The following CLCN7 variants were observed in gnomAD, a reference collection of about 807,000 sequenced individuals.
The protein encoded by CLCN7 is Cl-/H+ antiporter 7, also known as H(+)/Cl(-) exchange transporter 7.
CLCN7 carries 60 observed loss-of-function variants against 102.1 expected under a neutral mutation model. The ratio of observed to expected loss-of-function variants is 0.59; its 90% CI spans 0.48 to 0.73. CLCN7 has a LOEUF of 0.73. Ranked by LOEUF, CLCN7 falls within the 30% of genes least tolerant of loss-of-function variation. CLCN7 has a pLI of 0.00. For synonymous variants in CLCN7, 560 were observed against 490.5 expected (o/e 1.14, Z -1.87); for missense variants, 962 against 1,125.7 (o/e 0.85, Z 2.08).
chr16:1,448,823 C>T lies in CLCN7; in HGVS notation c.1798-57G>A, dbSNP rs554087693. 112 of 1,599,610 alleles carry T rather than the reference C, an allele frequency of 7.0e-5. No individual in the cohort carries two copies. The East Asian group carries it at 1.5e-3, about 21-fold the overall frequency. ...GAGTCCACACCCACCCCTGGAGCCC[C>T]GAGCCTACCCCTGGGAGCCCAGAGG... On this transcript the variant is annotated intron_variant, in intron 19 of 24. Transcript: ENST00000382745.
chr16:1,471,697 A>T (rs1201651515), intron 1 of CLCN7: 1 of 152,248 alleles, frequency 6.6e-6, no homozygotes, highest in Non-Finnish European at 1.5e-5. Context: ...CGCAGACGGG[A>T]AAACTGGGCA....
rs2038916108 is a variant in CLCN7, at chr16:1,460,482, A to G, written c.530T>C (p.Leu177Ser). ...TEKGGLSFSL[L>S]LWATLNAAFV... ...GGCGGCGTTCAGCGTGGCCCACAGCAACAGGGAGAAGGACAGTCCGCCCTT... is the reference window on the plus strand; with the variant it reads ...GGCGGCGTTCAGCGTGGCCCACAGCGACAGGGAGAAGGACAGTCCGCCCTT... The change falls in exon 6 of 25, where the codon TTG becomes TCG. Residue 177 changes from leucine to serine, a missense_variant. By Grantham distance (145) the Leu-to-Ser change is moderately radical. Around this residue, in one of 2 missense-constraint regions of CLCN7, gnomAD observed 799 missense variants for 988.0 expected, o/e 0.81. Transcript: ENST00000382745. The G allele has an allele frequency of 1.2e-6, 2 of 1,613,768 alleles. No individual in the cohort carries two copies. The highest frequency in any genetic ancestry group is 1.7e-6 in the Non-Finnish European group (2 of 1,180,002).
At position 1,457,362 on chromosome 16, in the gene CLCN7, C is replaced by T. The variant is rs749896184; in HGVS notation, c.739-25G>A. ...CCTGGAGACCAGAAGGACCGGTGCT[C>T]AGAGACACGCGTGACGCGGCCCTTC... On this transcript the variant is annotated intron_variant, in intron 8 of 24. Coordinates refer to ENST00000382745, the MANE Select transcript of CLCN7 (RefSeq NM_001287.6). This position sits in a 1 kb window ranked among gnomAD's most constrained non-coding sequence, Gnocchi z 5.4. 10 of 1,602,822 alleles carry T rather than the reference C, an allele frequency of 6.2e-6. No individual in the cohort carries two copies. Among genetic ancestry groups the T allele is most frequent in the Non-Finnish European group, 8.5e-6 (10 of 1,170,794 alleles).
chr16:1,457,126 G>T lies in CLCN7; in HGVS notation c.822+128C>A, dbSNP rs115651189. 2,909 of 898,400 alleles carry T rather than the reference G, an allele frequency of 3.2e-3. 58 individuals are homozygous for T. In the African/African-American group the frequency reaches 0.041, roughly 13 times the overall value. The allele number at this position is 898,400 out of a possible 1,614,324, so 55.7% of individuals were successfully genotyped here. ...TGCCCGCTGGCTCTGGGAGCCACCC[G>T]CCAGGCTGTCCTCAGATGGGGCTGG... On this transcript the variant is annotated intron_variant, in intron 9 of 24. Coordinates refer to ENST00000382745, the MANE Select transcript of CLCN7 (RefSeq NM_001287.6). This position sits in a 1 kb window ranked among gnomAD's most constrained non-coding sequence, Gnocchi z 5.4.
At chr16:1,453,260 G>T (rs563879294) in intron 14 of CLCN7, among the ~76,000 whole-genome samples, 2 of 152,092 alleles carry the variant, frequency 1.3e-5, no homozygotes, top group East Asian at 3.9e-4. Flanking sequence ...TGATCCACCC[G>T]CCTCGGCCTC....
At position 1,454,134 on chromosome 16, in the gene CLCN7, G is replaced by C. The variant is rs1161109920; in HGVS notation, c.1154-240C>G. Among the ~76,000 whole-genome samples, 3 of 152,238 alleles carry C rather than the reference G, an allele frequency of 2.0e-5. No individual in the cohort carries two copies. In the East Asian group the frequency reaches 5.8e-4, roughly 29 times the overall value. On this transcript the variant is annotated intron_variant, in intron 13 of 24. Coordinates refer to ENST00000382745, the MANE Select transcript of CLCN7 (RefSeq NM_001287.6). ...GGTGTCCAGCAGAGCAATAAATACT[G>C]GTGGGAGCAATTCTATCTCTTACAG...
At chr16:1,470,784 C>G (rs1224782174) in intron 1 of CLCN7, among the ~76,000 whole-genome samples, 1 of 152,210 alleles carries the variant, frequency 6.6e-6, no homozygotes, top group African/African-American at 2.4e-5. Flanking sequence ...ACAGTTCTTT[C>G]TCAGGCTGCG....
In CLCN7 at chr16:1,470,334, G is replaced by GT. The variant is rs576441545; in HGVS notation, c.141+4499dup. Among the ~76,000 whole-genome samples, 92 of 152,192 alleles carry GT rather than the reference G, an allele frequency of 6.0e-4. 1 individual carries two copies. The highest frequency in any genetic ancestry group is 1.1e-3 in the Non-Finnish European group (73 of 68,012). ...TTTATGGTATGTGTTCTTTACCACA[G>GT]TTTTTTTTAAAACTTAAAGCAGGAT... On this transcript the variant is annotated intron_variant, in intron 1 of 24. Transcript: ENST00000382745.
chr16:1,453,842 A>C lies in CLCN7; in HGVS notation c.1206T>G (p.Phe402Leu). The change falls in exon 14 of 25, where the codon TTT becomes TTG. Residue 402 changes from phenylalanine to leucine, a missense_variant. Phe to Leu is a conservative substitution (Grantham distance 22). Around this residue, in one of 2 missense-constraint regions of CLCN7, gnomAD observed 799 missense variants for 988.0 expected, o/e 0.81. Transcript: ENST00000382745. Reference protein sequence around the residue: ...FNALNYWLTMFRIRYIHRPCL... With the variant: ...FNALNYWLTMLRIRYIHRPCL... Reference sequence around the variant, plus strand: ...ATGCGGTTTCTCCTCACCTGATTCGAAACATGGTCAGCCAGTAGTTCAAGG... The same window carrying C: ...ATGCGGTTTCTCCTCACCTGATTCGCAACATGGTCAGCCAGTAGTTCAAGG... 1 of 1,613,386 alleles carries C rather than the reference A, an allele frequency of 6.2e-7. No homozygotes were observed.
chr16:1,472,300 G>A (rs1280347553), intron 1 of CLCN7, among the ~76,000 whole-genome samples: 2 of 152,032 alleles, frequency 1.3e-5, no homozygotes, highest in East Asian at 1.9e-4. Context: ...GCGTGATCTC[G>A]GCTCAGTGCA....
rs565101755 is a variant in CLCN7 at position 1,450,787 on chromosome 16, C to T, written c.1448-121G>A. On this transcript the variant is annotated intron_variant, in intron 16 of 24. Coordinates refer to ENST00000382745, the MANE Select transcript of CLCN7 (RefSeq NM_001287.6). The stretch of plus-strand genomic sequence containing the variant: ...CCAGGAGCCCAGCAACCTGAGCTCC[C>T]GAGCCCAGCGGTCCCCAGAAGGCTC... 703 of 840,114 alleles carry T rather than the reference C, an allele frequency of 8.4e-4. 44 individuals are homozygous for T. The highest frequency in any genetic ancestry group is 2.9e-3 in the Admixed American group (88 of 30,718). The allele number at this position is 840,114 out of a possible 1,614,324, so 52.0% of individuals were successfully genotyped here.
At position 1,470,735 on chromosome 16, in the gene CLCN7, C is replaced by T. The variant is rs911340773; in HGVS notation, c.141+4099G>A. On this transcript the variant is annotated intron_variant, in intron 1 of 24. Coordinates refer to ENST00000382745, the MANE Select transcript of CLCN7 (RefSeq NM_001287.6). ...ACAGCAGAGCTCAAGGGGCCACTGG[C>T]GACGACCCCAGACCCTCCCCCGCAG... Among the ~76,000 whole-genome samples the T allele has an allele frequency of 2.6e-5, 4 of 152,222 alleles. No individual in the cohort carries two copies. The East Asian group carries it at 7.7e-4, about 29-fold the overall frequency.
chr16:1,454,258 G>T (rs902211775), intron 13 of CLCN7, among the ~76,000 whole-genome samples, 153 bp downstream of exon 13: 1 of 152,248 alleles, frequency 6.6e-6, no homozygotes, highest in African/African-American at 2.4e-5. Context: ...CTCCCCACGT[G>T]TACTGCCCAT....
At position 1,447,599 on chromosome 16, in the gene CLCN7, C is replaced by G. The variant is rs1334181924; in HGVS notation, c.2074-31G>C. Reference sequence around the variant, plus strand: ...GGCGGCAGAGCCCTGTGTCAGGCACCCAGGCAGCACCCCCGGGGCCCCCAC... The same window carrying G: ...GGCGGCAGAGCCCTGTGTCAGGCACGCAGGCAGCACCCCCGGGGCCCCCAC... On this transcript the variant is annotated intron_variant, in intron 22 of 24. Transcript: ENST00000382745. 2.6e-6 allele frequency: 4 copies of G among 1,552,106 alleles called. No homozygotes were observed. In the Admixed American group the frequency reaches 7.8e-5, roughly 30 times the overall value.
chr16:1,474,347 G>T, intron 1 of CLCN7: 1 of 369,864 alleles, frequency 2.7e-6, no homozygotes, highest in South Asian at 2.0e-5. Flanking sequence ...GCAGATAAAG[G>T]CGCTCAGTCA....
In CLCN7 at chr16:1,461,559, G is replaced by A. The variant is rs368567506; in HGVS notation, c.285+44C>T. ...GGGACCGGGAGTGGGCTGGCAGGGG[G>A]CAGAGGCCGGGTCTCAGGGTCAGGG... On this transcript the variant is annotated intron_variant, in intron 3 of 24. Transcript: ENST00000382745. 7.5e-6 allele frequency: 12 copies of A among 1,609,420 alleles called. No individual in the cohort carries two copies. In the African/African-American group the frequency reaches 1.6e-4, roughly 22 times the overall value.
At chr16:1,460,281 C>T (rs1298963896) in intron 6 of CLCN7, 137 bp downstream of exon 6, 3 of 702,500 alleles carry the variant, frequency 4.3e-6, no homozygotes. Flanking sequence ...TGAGTCTGGA[C>T]CACGTGATTC....
At position 1,446,409 on chromosome 16, in the gene CLCN7, G is replaced by A. The variant is rs756086004; in HGVS notation, c.*222C>T. 54 of 702,270 alleles carry A rather than the reference G, an allele frequency of 7.7e-5. No homozygotes were observed. Among genetic ancestry groups the A allele is most frequent in the Non-Finnish European group, 1.0e-4 (40 of 384,888 alleles). 43.5% of individuals were successfully genotyped at this position (702,270 alleles called of 1,614,324 possible). A position where few individuals can be genotyped will look rare whatever the true frequency, so the allele number is the denominator to read the frequency against. ...CCTAGACGAGGAGAGTGGAGGCTGG[G>A]CCTGCGCAAGGAGGCGCCAAGGGGG... On this transcript the variant is annotated 3_prime_UTR_variant, in exon 25 of 25. Transcript: ENST00000382745.
At chr16:1,472,175 A>G (rs2941955) in intron 1 of CLCN7, among the ~76,000 whole-genome samples, 25,295 of 152,266 alleles carry the variant, frequency 0.17, 2,236 homozygotes, top group African/African-American at 0.2. Flanking sequence ...TTGTAAGCAG[A>G]GTATCCGCTG....
Sources: allele counts gnomAD v4.1 joint callset (sites outside exome capture counted in the v4.1 genomes callset), GRCh38; gene constraint gnomAD v4.1.1; regional missense constraint gnomAD v4.1.1; non-coding constraint Gnocchi (gnomAD v3.1); transcripts MANE v1.5; gene names NCBI Gene and HGNC (gene_info 2026-07-23, HGNC 2026-07-21).